Variants in KDM2B observed in about 807,000 individuals in gnomAD.
The protein encoded by KDM2B is lysine-specific demethylase 2B.
KDM2B carries 26 observed loss-of-function variants against 150.0 expected under a neutral mutation model. That is an observed-to-expected ratio of 0.17 (90% CI 0.13 to 0.24). The LOEUF is 0.24. KDM2B is among the 10% of genes least tolerant of loss of function. The pLI, the probability that KDM2B is intolerant of heterozygous loss-of-function variation, is 1.00. For synonymous variants in KDM2B, 734 were observed against 729.5 expected (o/e 1.01, Z -0.10); for missense variants, 1,265 against 1,816.9 (o/e 0.70, Z 5.52).
intron 4 of KDM2B, among the ~76,000 whole-genome samples, chr12:121,554,539 T>G (rs564767165): frequency 1.7e-4 from 26 of 151,714 alleles, no homozygotes; most frequent in African/African-American, 5.8e-4. Context: ...GCCCCCCGAG[T>G]AGCTGGGATT....
chr12:121,417,251 T>A, the KDM2B span, among the ~76,000 whole-genome samples: 1 of 152,254 alleles, frequency 6.6e-6, no homozygotes, highest in Non-Finnish European at 1.5e-5. The surrounding 1 kb of genome is among the most constrained non-coding windows in gnomAD (Gnocchi z 5.0). Flanking sequence ...GGTGGAAAGG[T>A]TTTAATTCAT....
intron 7 of KDM2B, 34 bp from the exon 8 acceptor site, chr12:121,532,993 C>T (rs1555308099): frequency 1.4e-5 from 22 of 1,612,558 alleles, no homozygotes; most frequent in Non-Finnish European, 1.8e-5. Context: ...AGCTGGAGAC[C>T]CAGGCCCAGA....
chr12:121,459,728 G>T (rs1238220410), intron 12 of KDM2B, among the ~76,000 whole-genome samples: 1 of 152,070 alleles, frequency 6.6e-6, no homozygotes, highest in Non-Finnish European at 1.5e-5. Context: ...TACTCAGGAG[G>T]CTGAGGCAAG....
rs1405678450 is a variant in KDM2B at position 121,479,287 on chromosome 12, C to A, written c.1734+15292G>T. The stretch of plus-strand genomic sequence containing the variant: ...ACAAGGTGAAACCCGCCCCTCCCCA[C>A]CCCCGCCGTCTCTACTAAAAATACA... On this transcript the variant is annotated intron_variant, in intron 12 of 22. Coordinates refer to ENST00000377071, the MANE Select transcript of KDM2B (RefSeq NM_032590.5). 4.0e-5 allele frequency among the ~76,000 whole-genome samples: 6 copies of A among 150,684 alleles called. No individual in the cohort carries two copies. In the South Asian group the frequency reaches 6.4e-4, roughly 16 times the overall value.
At chr12:121,450,313 CAA>C (rs563576089) in intron 13 of KDM2B, among the ~76,000 whole-genome samples, 2 of 99,114 alleles carry the variant, frequency 2.0e-5, no homozygotes, top group African/African-American at 3.5e-5. Flanking sequence ...GACTCTGTCT[CAA>C]AAAAAAAAAA....
At position 121,467,143 on chromosome 12, in the gene KDM2B, C is replaced by A; in HGVS notation, c.1735-13799G>T. On this transcript the variant is annotated intron_variant, in intron 12 of 22. Transcript: ENST00000377071. The surrounding 1 kb of genome is among the most constrained non-coding windows in gnomAD (Gnocchi z 5.1). ...GCGGCGGGTCCCTCCCTCAGCCCCA[C>A]CCCGGGCCGCCGACCTGGTCCGGCT... is the stretch of plus-strand genomic sequence containing the variant. The A allele has an allele frequency of 8.9e-7, 1 of 1,123,058 alleles. No homozygotes were observed. The highest frequency in any genetic ancestry group is 1.7e-5 in the South Asian group (1 of 57,692). 69.6% of individuals were successfully genotyped at this position (1,123,058 alleles called of 1,614,324 possible).
chr12:121,578,704 G>A, intron 2 of KDM2B, 98 bp downstream of exon 2: 1 of 1,106,332 alleles, frequency 9.0e-7, no homozygotes, highest in Non-Finnish European at 1.2e-6. Context: ...TGGAATGGGG[G>A]ACGCGGGCGC....
intron 13 of KDM2B, among the ~76,000 whole-genome samples, chr12:121,451,649 C>T (rs548225775): frequency 1.1e-3 from 165 of 152,274 alleles, no homozygotes; most frequent in African/African-American, 3.7e-3. Flanking sequence ...TGGTGGCTCA[C>T]GCCTGTAATC....
chr12:121,437,146 CG>C (rs1874145721), intron 22 of KDM2B, among the ~76,000 whole-genome samples: 1 of 151,424 alleles, frequency 6.6e-6, no homozygotes, highest in Non-Finnish European at 1.5e-5. Flanking sequence ...GAGGAGAAAA[CG>C]GAAGGGGAGG....
At chr12:121,509,166 C>G (rs1467715513) in intron 11 of KDM2B, among the ~76,000 whole-genome samples, 1 of 152,172 alleles carries the variant, frequency 6.6e-6, no homozygotes, top group Non-Finnish European at 1.5e-5. Flanking sequence ...TCGAGCAATT[C>G]TTCTGCCTCA....
At chr12:121,522,774 G>A (rs1253027301) in intron 8 of KDM2B, among the ~76,000 whole-genome samples, 7 of 152,046 alleles carry the variant, frequency 4.6e-5, no homozygotes, top group African/African-American at 1.4e-4. Context: ...CTTGAACCCC[G>A]GAGGTGGAGG....
chr12:121,539,352 A>AG (rs1888416536), intron 6 of KDM2B, among the ~76,000 whole-genome samples: 4 of 148,166 alleles, frequency 2.7e-5, no homozygotes, highest in East Asian at 2.0e-4. Context: ...AAAAAAAAAA[A>AG]AAAGAAAGAA....
chr12:121,444,397 C>T (rs1875767058), intron 15 of KDM2B, 53 bp downstream of exon 15: 1 of 1,608,878 alleles, frequency 6.2e-7, no homozygotes, highest in Non-Finnish European at 8.5e-7. Context: ...CCCGGCCAGG[C>T]CCAGGCCCGC....
chr12:121,576,093 C>A (rs368416908), intron 2 of KDM2B, among the ~76,000 whole-genome samples: 23 of 152,120 alleles, frequency 1.5e-4, no homozygotes, highest in Non-Finnish European at 2.5e-4. Flanking sequence ...CAGTCATTCT[C>A]GGCATGCCCC....
chr12:121,416,857 TTGG>T, the KDM2B span, among the ~76,000 whole-genome samples: 31 of 152,348 alleles, frequency 2.0e-4, no homozygotes, highest in African/African-American at 7.0e-4. Context: ...ACCCATCATA[TTGG>T]TAGGCCTCCT....
chr12:121,564,422 C>T (rs967607763), intron 4 of KDM2B, among the ~76,000 whole-genome samples: 4 of 152,042 alleles, frequency 2.6e-5, no homozygotes, highest in African/African-American at 9.7e-5. Flanking sequence ...GGCGCCACTG[C>T]ACTTCAGCCT....
intron 4 of KDM2B, among the ~76,000 whole-genome samples, chr12:121,565,683 G>A (rs1890651623): frequency 6.6e-6 from 1 of 151,860 alleles, no homozygotes; most frequent in African/African-American, 2.4e-5. Flanking sequence ...GGAGTGCAGT[G>A]GCGCAATCTT....
At chr12:121,463,929 G>GAA (rs140914980) in intron 12 of KDM2B, among the ~76,000 whole-genome samples, 1 of 143,050 alleles carries the variant, frequency 7.0e-6, no homozygotes. Flanking sequence ...CACATCAAGA[G>GAA]AAAAAAAAAA....
At chr12:121,542,681 C>T (rs1005006300) in intron 6 of KDM2B, among the ~76,000 whole-genome samples, 1 of 152,198 alleles carries the variant, frequency 6.6e-6, no homozygotes, top group Non-Finnish European at 1.5e-5. Flanking sequence ...ACAAATGGTT[C>T]TATACATCCA....
Sources: gnomAD v4.1 joint callset for allele counts (sites outside exome capture counted in the v4.1 genomes callset) on GRCh38, gnomAD v4.1.1 for gene constraint, Gnocchi (gnomAD v3.1) non-coding constraint, MANE v1.5 for transcripts, NCBI Gene and HGNC (gene_info 2026-07-23, HGNC 2026-07-21) for gene names.